Variants in STARD13 observed in about 807,000 individuals in gnomAD.
STARD13 encodes the protein stAR-related lipid transfer protein 13.
Under a neutral mutation model 106.4 loss-of-function variants are expected in STARD13, and 62 were observed. The ratio of observed to expected loss-of-function variants is 0.58; its 90% confidence interval spans 0.48 to 0.72. The LOEUF is 0.72. Among genes scored for constraint, STARD13 ranks in the 30% least tolerant of loss-of-function variants. The pLI is 0.00. For missense variants in STARD13, 1,387 were observed against 1,424.0 expected (o/e 0.97, Z 0.42); for synonymous variants, 565 against 553.0 (o/e 1.02, Z -0.31).
At chr13:33,105,822 C>T (rs1873613397) in intron 13 of STARD13, 112 bp from the exon 14 acceptor site, 14 of 854,822 alleles carry the variant, frequency 1.6e-5, no homozygotes, top group Middle Eastern at 2.3e-4. Context: ...AACCTGCAGA[C>T]AGCTCGGGCT....
At chr13:33,410,725 A>G in the STARD13 span, among the ~76,000 whole-genome samples, 1 of 152,190 alleles carries the variant, frequency 6.6e-6, no homozygotes, top group South Asian at 2.1e-4. Flanking sequence ...AGTATGGCAT[A>G]ATGAAATCAC....
chr13:33,214,692 G>GCACACACACA (rs1440199937), intron 1 of STARD13, among the ~76,000 whole-genome samples: 17 of 103,330 alleles, frequency 1.6e-4, no homozygotes, highest in African/African-American at 7.4e-4. Context: ...ACACACACAT[G>GCACACACACA]CACACATACA....
At chr13:33,436,907 G>A in the STARD13 span, among the ~76,000 whole-genome samples, 2 of 152,050 alleles carry the variant, frequency 1.3e-5, no homozygotes, top group South Asian at 4.1e-4. Context: ...ACCTCACAAG[G>A]GTCAACAGTG....
chr13:33,454,178 C>T, the STARD13 span, among the ~76,000 whole-genome samples: 3 of 152,182 alleles, frequency 2.0e-5, no homozygotes, highest in Non-Finnish European at 2.9e-5. Flanking sequence ...TGCTCCTGCC[C>T]AGTGAATGAA....
chr13:33,400,321 A>G, the STARD13 span, among the ~76,000 whole-genome samples: 1 of 152,210 alleles, frequency 6.6e-6, no homozygotes, highest in African/African-American at 2.4e-5. Context: ...TTATGTCTGA[A>G]TAATACTCCA....
the STARD13 span, among the ~76,000 whole-genome samples, chr13:33,641,510 T>C: frequency 8.1e-3 from 1,230 of 151,978 alleles, 17 homozygotes; most frequent in African/African-American, 0.027. Flanking sequence ...TGGGGAAGAG[T>C]GATTCTAGTT....
At chr13:33,224,737 C>G (rs898102084) in intron 1 of STARD13, among the ~76,000 whole-genome samples, 14 of 152,206 alleles carry the variant, frequency 9.2e-5, no homozygotes, top group African/African-American at 3.1e-4. Context: ...CTACATCCAC[C>G]ATTAGTACTT....
Position 33,109,942 on chromosome 13 carries a change from T to G in STARD13, c.2978A>C (p.Gln993Pro). ...QWKVVETLDR[Q>P]TEIYQYVLNS... is the part of the protein sequence containing the mutation. ...CAGCACATACTGGTAGATCTCTGTT[T>G]GCCTGTCTAGAGTTTCCACAACCTT... is the stretch of plus-strand genomic sequence containing the variant. The change falls in exon 12 of 14, where the codon CAA (glutamine) becomes CCA (proline). Residue 993 changes from glutamine to proline, a missense_variant. Gln to Pro is a moderately conservative substitution (Grantham distance 76). Transcript: ENST00000336934. The G allele has an allele frequency of 6.2e-7, 1 of 1,614,158 alleles. No homozygotes were observed. The highest frequency in any genetic ancestry group is 8.5e-7 in the Non-Finnish European group (1 of 1,180,028).
chr13:33,454,947 C>T, the STARD13 span, among the ~76,000 whole-genome samples: 1 of 152,160 alleles, frequency 6.6e-6, no homozygotes, highest in East Asian at 1.9e-4. Flanking sequence ...GCACCAGGCC[C>T]TGGCCTACAC....
chr13:33,226,598 C>T (rs905256707), intron 1 of STARD13, among the ~76,000 whole-genome samples: 3 of 151,976 alleles, frequency 2.0e-5, no homozygotes, highest in South Asian at 2.1e-4. Flanking sequence ...CCACACCTCG[C>T]TAATTTTTTT....
the STARD13 span, among the ~76,000 whole-genome samples, chr13:33,629,529 T>G: frequency 6.6e-6 from 1 of 152,228 alleles, no homozygotes; most frequent in African/African-American, 2.4e-5. Flanking sequence ...CATAAGGATT[T>G]TTTACTGGGC....
At chr13:33,378,478 G>A in the STARD13 span, among the ~76,000 whole-genome samples, 1 of 152,180 alleles carries the variant, frequency 6.6e-6, no homozygotes, top group East Asian at 1.9e-4. Context: ...CTGAAAACCT[G>A]CACTTCTTAT....
At chr13:33,262,853 T>A (rs913499401) in intron 1 of STARD13, among the ~76,000 whole-genome samples, 10 of 152,138 alleles carry the variant, frequency 6.6e-5, no homozygotes, top group Non-Finnish European at 1.5e-4. Flanking sequence ...TCCATCCCAG[T>A]GACTTCTGCT....
At chr13:33,368,872 G>A in the STARD13 span, among the ~76,000 whole-genome samples, 3 of 152,054 alleles carry the variant, frequency 2.0e-5, no homozygotes, top group Admixed American at 2.0e-4. Flanking sequence ...TCTTCTGGAA[G>A]GCCCTTCCTA....
At chr13:33,142,625 C>T (rs192126337) in intron 3 of STARD13, among the ~76,000 whole-genome samples, 1 of 152,300 alleles carries the variant, frequency 6.6e-6, no homozygotes, top group East Asian at 1.9e-4. Context: ...CAGCCCTTTT[C>T]TGGCTTCTCT....
intron 1 of STARD13, among the ~76,000 whole-genome samples, chr13:33,170,857 TA>T (rs1269115486): frequency 6.6e-6 from 1 of 152,172 alleles, no homozygotes; most frequent in Admixed American, 6.5e-5. Context: ...TAATCTGGCA[TA>T]ATTAACCCCT....
intron 3 of STARD13, among the ~76,000 whole-genome samples, chr13:33,150,035 G>T (rs1314688936): frequency 1.3e-5 from 2 of 152,190 alleles, no homozygotes; most frequent in Non-Finnish European, 2.9e-5. Flanking sequence ...AGCATGAATA[G>T]TGTGTCCTCC....
the STARD13 span, among the ~76,000 whole-genome samples, chr13:33,500,552 G>A: frequency 6.6e-6 from 1 of 152,186 alleles, no homozygotes; most frequent in Middle Eastern, 3.4e-3. Context: ...TATTAAAGAT[G>A]TTCAATGAAA....
the STARD13 span, among the ~76,000 whole-genome samples, chr13:33,655,838 T>A: frequency 1.3e-5 from 2 of 152,226 alleles, no homozygotes; most frequent in African/African-American, 4.8e-5. Context: ...CCAGAACTGC[T>A]GCTGTCGTTG....
Sources: gnomAD v4.1 joint callset for allele counts (sites outside exome capture counted in the v4.1 genomes callset) on GRCh38, gnomAD v4.1.1 for gene constraint, MANE v1.5 for transcripts, NCBI Gene and HGNC (gene_info 2026-07-23, HGNC 2026-07-21) for gene names.